EPB41L4A: variants seen among roughly 807,000 people sequenced by gnomAD.
The protein encoded by EPB41L4A is band 4.1-like protein 4A.
Under a neutral mutation model 108.6 loss-of-function variants are expected in EPB41L4A, and 100 were observed. The observed-to-expected ratio is 0.92, with a 90% CI of 0.78 to 1.09. The LOEUF (loss-of-function observed/expected upper bound fraction) is 1.09. Ranked by LOEUF, EPB41L4A falls within the 50% of genes least tolerant of loss-of-function variation. The pLI is 0.00. For missense variants in EPB41L4A, 1,030 were observed against 842.7 expected (o/e 1.22, Z -2.75); for synonymous variants, 319 against 289.0 (o/e 1.10, Z -1.05).
chr5:112,200,256 T>C (rs550064090), intron 15 of EPB41L4A, among the ~76,000 whole-genome samples: 6 of 152,306 alleles, frequency 3.9e-5, no homozygotes, highest in African/African-American at 1.4e-4. Context: ...TCTCAGATCC[T>C]GGCGCAAGCA....
intron 17 of EPB41L4A, among the ~76,000 whole-genome samples, chr5:112,191,675 T>TAAA (rs201139640): frequency 7.2e-6 from 1 of 138,780 alleles, no homozygotes; most frequent in African/African-American, 2.6e-5. Context: ...CATTTATGTT[T>TAAA]AAAAAAAAAA....
chr5:112,239,616 T>C (rs1307425649), intron 11 of EPB41L4A, 44 bp downstream of exon 11: 2 of 1,273,510 alleles, frequency 1.6e-6, no homozygotes, highest in Admixed American at 2.4e-5. Context: ...GAATTAAGTA[T>C]TTATTTACAA....
chr5:112,156,420 C>G (rs1397070520), intron 12 of EPB41L4A, among the ~76,000 whole-genome samples: 1 of 152,270 alleles, frequency 6.6e-6, no homozygotes, highest in Non-Finnish European at 1.5e-5. Context: ...GCCTGAGAAC[C>G]AGGAGAACTG....
intron 4 of EPB41L4A, among the ~76,000 whole-genome samples, chr5:112,271,926 A>G (rs141861170): frequency 1.3e-5 from 2 of 152,304 alleles, no homozygotes; most frequent in East Asian, 1.9e-4. Flanking sequence ...AAGTCCCCCC[A>G]GTTTCATTTA....
At chr5:112,243,069 C>T (rs568345365) in intron 9 of EPB41L4A, among the ~76,000 whole-genome samples, 1 of 152,054 alleles carries the variant, frequency 6.6e-6, no homozygotes, top group Non-Finnish European at 1.5e-5. Context: ...CAGAAATTAG[C>T]TGGGCATGGT....
At chr5:112,255,743 T>C (rs900741146) in intron 9 of EPB41L4A, among the ~76,000 whole-genome samples, 1 of 152,178 alleles carries the variant, frequency 6.6e-6, no homozygotes, top group African/African-American at 2.4e-5. Flanking sequence ...CAATTTTATA[T>C]ATTCAAATTT....
intron 4 of EPB41L4A, among the ~76,000 whole-genome samples, chr5:112,271,786 G>C (rs528207763): frequency 6.6e-6 from 1 of 152,142 alleles, no homozygotes; most frequent in Non-Finnish European, 1.5e-5. Context: ...GACCATCAGG[G>C]AATTATTATT....
chr5:112,302,718 C>A (rs1754442763), intron 2 of EPB41L4A, among the ~76,000 whole-genome samples: 1 of 152,108 alleles, frequency 6.6e-6, no homozygotes, highest in African/African-American at 2.4e-5. Flanking sequence ...ACAGTGTAGT[C>A]CCTCCTGAAA....
intron 12 of EPB41L4A, among the ~76,000 whole-genome samples, chr5:112,221,860 A>C (rs1748074981): frequency 6.6e-6 from 1 of 152,242 alleles, no homozygotes; most frequent in African/African-American, 2.4e-5. Flanking sequence ...AAACACTCCC[A>C]AGAAGACTGA....
At chr5:112,210,463 A>G (rs1349117798) in intron 12 of EPB41L4A, among the ~76,000 whole-genome samples, 2 of 152,192 alleles carry the variant, frequency 1.3e-5, no homozygotes, top group Non-Finnish European at 2.9e-5. Context: ...AAAGAGTAAT[A>G]TACATGTGAT....
At chr5:112,314,501 C>A in intron 1 of EPB41L4A, among the ~76,000 whole-genome samples, 1 of 74,860 alleles carries the variant, frequency 1.3e-5, no homozygotes, top group African/African-American at 5.3e-5. Flanking sequence ...AACCCCATCG[C>A]TACTAAAAAA....
chr5:112,206,378 G>C (rs1039246505), intron 13 of EPB41L4A, among the ~76,000 whole-genome samples: 1 of 149,686 alleles, frequency 6.7e-6, no homozygotes, highest in African/African-American at 2.5e-5. Context: ...AAAAAAAAAA[G>C]ACTTGCACCC....
chr5:112,279,171 T>A (rs965352796), intron 3 of EPB41L4A, among the ~76,000 whole-genome samples: 3 of 151,756 alleles, frequency 2.0e-5, no homozygotes, highest in Non-Finnish European at 4.4e-5. Context: ...TAAACTCCAG[T>A]GGTTTCCACT....
intron 1 of EPB41L4A, among the ~76,000 whole-genome samples, chr5:112,366,343 G>A (rs2112513865): frequency 6.6e-6 from 1 of 151,900 alleles, no homozygotes; most frequent in African/African-American, 2.4e-5. Context: ...GGTCCCAGGA[G>A]GAAACAGCAT....
intron 9 of EPB41L4A, among the ~76,000 whole-genome samples, chr5:112,253,159 A>T (rs1750814125): frequency 6.6e-6 from 1 of 152,212 alleles, no homozygotes; most frequent in Admixed American, 6.5e-5. Context: ...GCAAGAGAGA[A>T]GCAGGAATTA....
intron 1 of EPB41L4A, among the ~76,000 whole-genome samples, chr5:112,310,776 C>T (rs1330871585): frequency 1.3e-5 from 2 of 152,074 alleles, no homozygotes. Context: ...TGCAAACAAT[C>T]CCCCTATTTG....
chr5:112,286,117 C>G (rs934789449), intron 2 of EPB41L4A, among the ~76,000 whole-genome samples: 3 of 152,124 alleles, frequency 2.0e-5, no homozygotes, highest in African/African-American at 7.2e-5. Context: ...CCAAGACACC[C>G]AATTCATTGA....
intron 4 of EPB41L4A, among the ~76,000 whole-genome samples, chr5:112,269,542 A>G (rs1035162563): frequency 6.6e-6 from 1 of 152,164 alleles, no homozygotes; most frequent in Non-Finnish European, 1.5e-5. Context: ...CTCTGATTAA[A>G]GCTATGATGG....
intron 1 of EPB41L4A, among the ~76,000 whole-genome samples, chr5:112,417,477 C>T: frequency 6.6e-6 from 1 of 152,306 alleles, no homozygotes; most frequent in East Asian, 1.9e-4. Context: ...ATATTATCTA[C>T]AATTTAGGAT....
Sources: gnomAD v4.1 joint callset for allele counts (sites outside exome capture counted in the v4.1 genomes callset) on GRCh38, gnomAD v4.1.1 for gene constraint, MANE v1.5 for transcripts, NCBI Gene and HGNC (gene_info 2026-07-23, HGNC 2026-07-21) for gene names.